The following CTNNA3 variants were observed in gnomAD, a reference collection of about 807,000 sequenced individuals.
The protein encoded by CTNNA3 is catenin alpha 3.
Under a neutral mutation model 95.7 loss-of-function variants are expected in CTNNA3, and 76 were observed. That is an observed-to-expected ratio of 0.79 (90% CI 0.66 to 0.96). CTNNA3 has a LOEUF of 0.96. Ranked by LOEUF, CTNNA3 falls within the 40% of genes least tolerant of loss-of-function variation. The pLI, the probability that CTNNA3 is intolerant of heterozygous loss-of-function variation, is 0.00. For missense variants in CTNNA3, 1,191 were observed against 1,089.8 expected (o/e 1.09, Z -1.31); for synonymous variants, 431 against 374.4 (o/e 1.15, Z -1.74).
chr10:66,791,307 T>C (rs1399985233), intron 7 of CTNNA3, among the ~76,000 whole-genome samples: 3 of 152,180 alleles, frequency 2.0e-5, no homozygotes, highest in Non-Finnish European at 2.9e-5. Flanking sequence ...TCCAGCTCCA[T>C]CTCAAGCCAC....
intron 14 of CTNNA3, among the ~76,000 whole-genome samples, chr10:66,088,607 C>A (rs1322500125): frequency 3.4e-5 from 5 of 148,206 alleles, no homozygotes; most frequent in African/African-American, 7.3e-5. Context: ...AAAGAGAATG[C>A]ACTTTTATAA....
At chr10:67,602,550 T>C (rs1008351087) in intron 3 of CTNNA3, among the ~76,000 whole-genome samples, 1 of 152,228 alleles carries the variant, frequency 6.6e-6, no homozygotes, top group Admixed American at 6.5e-5. Flanking sequence ...TAGAGGTATT[T>C]CACACATTAT....
chr10:66,907,396 C>A (rs1282407143), intron 7 of CTNNA3, among the ~76,000 whole-genome samples: 1 of 152,034 alleles, frequency 6.6e-6, no homozygotes, highest in African/African-American at 2.4e-5. Flanking sequence ...TTCACTTGAG[C>A]CTCTTAGATA....
At chr10:67,665,159 G>T (rs1038592717) in intron 1 of CTNNA3, among the ~76,000 whole-genome samples, 1 of 152,216 alleles carries the variant, frequency 6.6e-6, no homozygotes, top group Non-Finnish European at 1.5e-5. Context: ...ATGAGAATCT[G>T]TTTTAGTGCT....
chr10:66,269,389 C>T (rs1349563733), intron 13 of CTNNA3, among the ~76,000 whole-genome samples: 1 of 152,116 alleles, frequency 6.6e-6, no homozygotes, highest in Non-Finnish European at 1.5e-5. Context: ...AATTTAATCC[C>T]AAACCATTAA....
intron 12 of CTNNA3, among the ~76,000 whole-genome samples, chr10:66,305,432 T>G (rs2091919176): frequency 6.6e-6 from 1 of 151,570 alleles, no homozygotes; most frequent in Non-Finnish European, 1.5e-5. Flanking sequence ...CCCTATTTTC[T>G]CAAGTGGACT....
intron 11 of CTNNA3, among the ~76,000 whole-genome samples, chr10:66,454,534 A>G (rs2093483539): frequency 6.6e-6 from 1 of 152,138 alleles, no homozygotes; most frequent in Non-Finnish European, 1.5e-5. Flanking sequence ...AAATTCAATT[A>G]AGAAGAAATA....
intron 13 of CTNNA3, among the ~76,000 whole-genome samples, chr10:66,116,411 C>A (rs2082342455): frequency 6.6e-6 from 1 of 152,068 alleles, no homozygotes; most frequent in Non-Finnish European, 1.5e-5. Context: ...AACACATATT[C>A]ACACAGACTT....
intron 8 of CTNNA3, among the ~76,000 whole-genome samples, chr10:66,774,053 C>A (rs1248454809): frequency 6.6e-6 from 1 of 152,096 alleles, no homozygotes; most frequent in Non-Finnish European, 1.5e-5. Context: ...ATTCCACACA[C>A]AAGTAATTGC....
rs570408406 is a variant in CTNNA3, at chr10:67,465,925, A to AT, written c.579+55916dup. The stretch of plus-strand genomic sequence containing the variant: ...CTCCCAAAGTCATATTTTTGTTTCA[A>AT]TTTGTATAGTATTTTCACTTGCATG... On this transcript the variant is annotated intron_variant, in intron 5 of 17. Transcript: ENST00000433211. Among the ~76,000 whole-genome samples, 135 of 152,242 alleles carry AT rather than the reference A, an allele frequency of 8.9e-4. No individual in the cohort carries two copies. The East Asian group carries it at 0.021, about 24-fold the overall frequency.
chr10:66,759,299 T>C (rs115278315), intron 9 of CTNNA3, among the ~76,000 whole-genome samples: 1,638 of 152,298 alleles, frequency 0.011, 40 homozygotes, highest in African/African-American at 0.038. Flanking sequence ...GGATCCTACT[T>C]GCTTCAGGTT....
chr10:65,958,911 C>T (rs899731832), intron 17 of CTNNA3, among the ~76,000 whole-genome samples: 14 of 152,314 alleles, frequency 9.2e-5, no homozygotes, highest in African/African-American at 3.4e-4. Flanking sequence ...CCATTGCTCT[C>T]TTGAAAGCTA....
intron 1 of CTNNA3, among the ~76,000 whole-genome samples, chr10:67,676,324 C>T (rs945583122): frequency 7.9e-5 from 12 of 151,826 alleles, no homozygotes; most frequent in Non-Finnish European, 1.8e-4. Context: ...GGTCATGCCA[C>T]TGGAAAAGGA....
chr10:67,664,841 A>G (rs1195998978), intron 1 of CTNNA3, among the ~76,000 whole-genome samples: 1 of 152,216 alleles, frequency 6.6e-6, no homozygotes, highest in East Asian at 1.9e-4. Context: ...ATACACAAGT[A>G]TCAAAAATCA....
chr10:67,000,532 A>G (rs1325098095), intron 7 of CTNNA3, among the ~76,000 whole-genome samples: 1 of 152,196 alleles, frequency 6.6e-6, no homozygotes, highest in Non-Finnish European at 1.5e-5. Flanking sequence ...TCACAAAATT[A>G]CAACAAGCTA....
At chr10:66,841,817 T>G (rs1843074217) in intron 7 of CTNNA3, among the ~76,000 whole-genome samples, 1 of 152,116 alleles carries the variant, frequency 6.6e-6, no homozygotes, top group Admixed American at 6.6e-5. Flanking sequence ...AATTAAGCAC[T>G]TACACAAACA....
chr10:67,745,613 A>G (rs1269109869), intron 1 of CTNNA3, among the ~76,000 whole-genome samples: 2 of 152,070 alleles, frequency 1.3e-5, no homozygotes, highest in Admixed American at 1.3e-4. Context: ...ATACATATGT[A>G]ACAAACCTGC....
rs769151933 is a variant in CTNNA3 at position 65,920,574 on chromosome 10, A to G, written c.2444T>C (p.Met815Thr). ...TSLIQAAKNL[M>T]NAVVQTVKMS... The stretch of plus-strand genomic sequence containing the variant: ...TTTCACTGTTTGCACTACAGCATTC[A>G]TTAAATTTTTGGCTGCTTGGATCAG... Residue 815 changes from methionine (M) to threonine (T), a missense_variant, in exon 18 of 18, where the codon ATG (methionine) becomes ACG (threonine). Physicochemically the swap from Met to Thr is moderately conservative, Grantham distance 81 (BLOSUM62 -1). Coordinates refer to ENST00000433211, the MANE Select transcript of CTNNA3 (RefSeq NM_013266.4). 1.9e-6 allele frequency: 3 copies of G among 1,614,164 alleles called. No homozygotes were observed. Among genetic ancestry groups the G allele is most frequent in the African/African-American group, 2.7e-5 (2 of 75,052 alleles).
rs138580439 is a variant in CTNNA3, at chr10:67,647,496, T to A, written c.18A>T (p.Pro6=). Residue 6 remains proline (P), a synonymous_variant, in exon 2 of 18, where the codon CCA becomes CCT. Coordinates refer to ENST00000433211, the MANE Select transcript of CTNNA3 (RefSeq NM_013266.4). ...CCTGAGGATCGATATTCAATGTGAT[T>A]GGTGTTTCAGCTGACATGCTGCCTG... MSAET[P]ITLNIDPQDL... The A allele has an allele frequency of 2.3e-4, 373 of 1,613,322 alleles. No individual in the cohort carries two copies. The highest frequency in any genetic ancestry group is 1.8e-3 in the Middle Eastern group (11 of 6,056).
Sources: gnomAD v4.1 joint callset for allele counts (sites outside exome capture counted in the v4.1 genomes callset) on GRCh38, gnomAD v4.1.1 for gene constraint, MANE v1.5 for transcripts, NCBI Gene and HGNC (gene_info 2026-07-23, HGNC 2026-07-21) for gene names.